The following KCNIP3 variants were observed in gnomAD, a reference collection of about 807,000 sequenced individuals.
The protein encoded by KCNIP3 is calsenilin.
In KCNIP3, 28 loss-of-function variants were observed where a neutral mutation model predicts 35.0. The ratio of observed to expected loss-of-function variants is 0.80; its 90% CI spans 0.59 to 1.10. KCNIP3 has a LOEUF of 1.10. KCNIP3 is among the 50% of genes least tolerant of loss of function. The pLI, the probability that KCNIP3 is intolerant of heterozygous loss-of-function variation, is 0.00. For missense variants in KCNIP3, 295 were observed against 338.4 expected (o/e 0.87, Z 1.01); for synonymous variants, 134 against 133.8 (o/e 1.00, Z -0.01).
At chr2:95,319,777 G>A (rs1001184689) in intron 2 of KCNIP3, among the ~76,000 whole-genome samples, 1 of 152,182 alleles carries the variant, frequency 6.6e-6, no homozygotes, top group African/African-American at 2.4e-5. Flanking sequence ...ACAGGCTCTT[G>A]GGCTCATGGT....
At chr2:95,301,819 G>A (rs1678038229) in intron 1 of KCNIP3, among the ~76,000 whole-genome samples, 4 of 152,276 alleles carry the variant, frequency 2.6e-5, no homozygotes, top group Middle Eastern at 6.8e-3. Context: ...CAGCTCTCCT[G>A]CTCCAGTGCT....
chr2:95,303,947 C>T (rs1445115976), intron 1 of KCNIP3, among the ~76,000 whole-genome samples: 3 of 152,156 alleles, frequency 2.0e-5, no homozygotes, highest in African/African-American at 7.2e-5. Flanking sequence ...ATTATCATTT[C>T]AACCTGCAAT....
chr2:95,297,494 C>T (rs2248415), intron 1 of KCNIP3, 41 bp downstream of exon 1: 9 of 528,434 alleles, frequency 1.7e-5, no homozygotes, highest in East Asian at 7.3e-5. Context: ...GGAGGGGGGT[C>T]GGGGGGAGGA....
chr2:95,383,966 C>G, intron 8 of KCNIP3, 36 bp from the exon 9 acceptor site: 1 of 1,603,944 alleles, frequency 6.2e-7, no homozygotes, highest in Non-Finnish European at 8.5e-7. Context: ...GGAGCCCACC[C>G]AGCACCTGAA....
Position 95,343,114 on chromosome 2 carries a change from C to T in KCNIP3, c.182-31182C>T, listed in dbSNP as rs1485157276. 1.5e-4 allele frequency among the ~76,000 whole-genome samples: 23 copies of T among 151,842 alleles called. No homozygotes were observed. The East Asian group carries it at 4.4e-3, about 29-fold the overall frequency. On this transcript the variant is annotated intron_variant, in intron 2 of 8. Coordinates refer to ENST00000295225, the MANE Select transcript of KCNIP3 (RefSeq NM_013434.5). The stretch of plus-strand genomic sequence containing the variant: ...GAGGGAGAACAATGCTGTGGCTGGG[C>T]TGGTGGCAGTGGGGCAGAGATGGAC...
At chr2:95,321,713 G>A (rs1678602832) in intron 2 of KCNIP3, among the ~76,000 whole-genome samples, 1 of 152,192 alleles carries the variant, frequency 6.6e-6, no homozygotes, top group African/African-American at 2.4e-5. Context: ...GGACTGCTCA[G>A]TTAAACAGAA....
At chr2:95,348,662 T>G (rs2104269368) in intron 2 of KCNIP3, among the ~76,000 whole-genome samples, 1 of 152,278 alleles carries the variant, frequency 6.6e-6, no homozygotes, top group East Asian at 1.9e-4. Context: ...AGGTGGACAG[T>G]ATGCACAAGA....
At chr2:95,346,592 CCGCCGCCG>C (rs1438432285) in intron 2 of KCNIP3, 1 of 145,974 alleles carries the variant, frequency 6.9e-6, no homozygotes, top group Non-Finnish European at 1.5e-5. Flanking sequence ...CCCGGGACCC[CCGCCGCCG>C]CGCCGCCGCC....
intron 1 of KCNIP3, among the ~76,000 whole-genome samples, chr2:95,298,152 G>T (rs528286979): frequency 5.3e-5 from 8 of 152,294 alleles, no homozygotes; most frequent in Middle Eastern, 3.4e-3. Flanking sequence ...GAAATAAGCT[G>T]GCCCTCCAGC....
intron 2 of KCNIP3, among the ~76,000 whole-genome samples, chr2:95,327,935 A>T (rs191411611): frequency 6.6e-5 from 10 of 152,258 alleles, no homozygotes; most frequent in African/African-American, 2.4e-4. Context: ...TCCATGCTAA[A>T]CTTGCCGTAG....
At chr2:95,304,863 C>A (rs1678131749) in intron 1 of KCNIP3, among the ~76,000 whole-genome samples, 1 of 152,188 alleles carries the variant, frequency 6.6e-6, no homozygotes, top group Non-Finnish European at 1.5e-5. Context: ...CTGGTCCTGG[C>A]CTGCCTGGCT....
chr2:95,370,965 C>T (rs796376215), intron 2 of KCNIP3, among the ~76,000 whole-genome samples: 6 of 151,802 alleles, frequency 4.0e-5, no homozygotes, highest in Non-Finnish European at 5.9e-5. Context: ...GACAGGGTTT[C>T]GCCATGTTGG....
At chr2:95,369,964 T>C (rs1680004637) in intron 2 of KCNIP3, among the ~76,000 whole-genome samples, 1 of 152,234 alleles carries the variant, frequency 6.6e-6, no homozygotes, top group African/African-American at 2.4e-5. Flanking sequence ...TGTTCAAGCT[T>C]AGAAGTTCCA....
chr2:95,346,917 C>T (rs945906674), intron 2 of KCNIP3: 2 of 583,894 alleles, frequency 3.4e-6, no homozygotes, highest in Admixed American at 4.6e-5. Context: ...GCCGTCGCCG[C>T]CCCCGAGAGG....
At chr2:95,339,732 A>G (rs1351431874) in intron 2 of KCNIP3, among the ~76,000 whole-genome samples, 1 of 152,214 alleles carries the variant, frequency 6.6e-6, no homozygotes, top group Non-Finnish European at 1.5e-5. Context: ...TAAGCCTTCA[A>G]TACCTGGTAT....
At chr2:95,365,983 T>A (rs531600961) in intron 2 of KCNIP3, among the ~76,000 whole-genome samples, 6 of 152,300 alleles carry the variant, frequency 3.9e-5, no homozygotes, top group African/African-American at 7.2e-5. Flanking sequence ...TTTTAATTTT[T>A]ATTTACTTAC....
intron 2 of KCNIP3, among the ~76,000 whole-genome samples, chr2:95,323,938 A>G (rs2104231042): frequency 6.6e-6 from 1 of 152,288 alleles, no homozygotes; most frequent in African/African-American, 2.4e-5. Flanking sequence ...GAGGGCTGCC[A>G]GGGCCACGTG....
At chr2:95,309,332 C>T (rs1320342344) in intron 1 of KCNIP3, among the ~76,000 whole-genome samples, 3 of 151,910 alleles carry the variant, frequency 2.0e-5, no homozygotes, top group Non-Finnish European at 2.9e-5. Context: ...GCCTGAAATA[C>T]GTTGTAGGAG....
intron 2 of KCNIP3, among the ~76,000 whole-genome samples, chr2:95,345,958 C>A (rs2104264125): frequency 6.6e-6 from 1 of 152,358 alleles, no homozygotes; most frequent in Non-Finnish European, 1.5e-5. Flanking sequence ...CTCCCCCTCT[C>A]TGCGGAGCAG....
Sources: allele counts gnomAD v4.1 joint callset (sites outside exome capture counted in the v4.1 genomes callset), GRCh38; gene constraint gnomAD v4.1.1; transcripts MANE v1.5; gene names NCBI Gene and HGNC (gene_info 2026-07-23, HGNC 2026-07-21).